The following PARP4 variants were observed in gnomAD, a reference collection of about 807,000 sequenced individuals.
The protein encoded by PARP4 is protein mono-ADP-ribosyltransferase PARP4.
Under a neutral mutation model 187.7 loss-of-function variants are expected in PARP4, and 120 were observed. That is an observed-to-expected ratio of 0.64 (90% CI 0.55 to 0.74). The LOEUF is 0.74. Ranked by LOEUF, PARP4 falls within the 30% of genes least tolerant of loss-of-function variation. The pLI, the probability that PARP4 is intolerant of heterozygous loss-of-function variation, is 0.00. For missense variants in PARP4, 1,836 were observed against 2,070.5 expected (o/e 0.89, Z 2.20); for synonymous variants, 654 against 740.9 (o/e 0.88, Z 1.90).
At chr13:24,444,690 C>T (rs1315150178) in intron 27 of PARP4, among the ~76,000 whole-genome samples, 6 of 152,130 alleles carry the variant, frequency 3.9e-5, no homozygotes, top group African/African-American at 1.2e-4. Context: ...TAAAATAGGC[C>T]ACCCCAAAAG....
intron 17 of PARP4, among the ~76,000 whole-genome samples, chr13:24,466,889 G>A (rs577005168): frequency 2.6e-5 from 4 of 151,640 alleles, no homozygotes; most frequent in Admixed American, 6.6e-5. Flanking sequence ...CAGGAAAAGC[G>A]AGGGAAAGGA....
At chr13:24,478,048 T>G in intron 13 of PARP4, 45 bp downstream of exon 13, 1 of 1,456,886 alleles carries the variant, frequency 6.9e-7, no homozygotes, top group Non-Finnish European at 9.3e-7. Context: ...GGCCTTTCTT[T>G]GAGCATTCAA....
Position 24,469,108 on chromosome 13 carries a change from A to G in PARP4, c.2049T>C (p.Ile683=). The G allele has an allele frequency of 6.2e-7, 1 of 1,606,362 alleles. No individual in the cohort carries two copies. Among genetic ancestry groups the G allele is most frequent in the Non-Finnish European group, 8.5e-7 (1 of 1,173,054 alleles). Residue 683 remains isoleucine, a splice_region_variant and synonymous_variant, in exon 17 of 34, where the codon ATT becomes ATC. Transcript: ENST00000381989. The part of the protein sequence containing the change: ...FINGKHIVGE[I]KEKEEAQQEY... ...CTTGCTGGGCTTCTTCCTTCTCTTT[A>G]ATCTGGAAAAGATGAGTTTTAAATC...
At chr13:24,503,345 G>A (rs1170070542) in intron 2 of PARP4, among the ~76,000 whole-genome samples, 1 of 152,204 alleles carries the variant, frequency 6.6e-6, no homozygotes, top group Non-Finnish European at 1.5e-5. Flanking sequence ...TCTCCTTCAA[G>A]AATAGATATG....
intron 17 of PARP4, among the ~76,000 whole-genome samples, chr13:24,468,289 AAAG>A (rs1277420780): frequency 2.0e-5 from 3 of 152,210 alleles, no homozygotes; most frequent in South Asian, 4.1e-4. Flanking sequence ...TAATCACCTA[AAAG>A]CACAGGAGCT....
chr13:24,448,049 T>C (rs1308426889), intron 25 of PARP4, among the ~76,000 whole-genome samples: 3 of 152,034 alleles, frequency 2.0e-5, no homozygotes, highest in African/African-American at 7.2e-5. Flanking sequence ...TACAGAAAAT[T>C]AGCTGGGTGT....
In PARP4 at chr13:24,492,598, T is replaced by C; in HGVS notation, c.880-4A>G. 1 of 1,610,868 alleles carries C rather than the reference T, an allele frequency of 6.2e-7. No individual in the cohort carries two copies. Among genetic ancestry groups the C allele is most frequent in the Non-Finnish European group, 8.5e-7 (1 of 1,177,392 alleles). On this transcript the variant is annotated splice_polypyrimidine_tract_variant and splice_region_variant and intron_variant, in intron 8 of 33. Coordinates refer to ENST00000381989, the MANE Select transcript of PARP4 (RefSeq NM_006437.4). ...GAATCCCCTCTGCCTTGCTCACCTT[T>C]CAACAGATCATATATGCTTATTACA...
At chr13:24,433,819 A>G (rs542510984) in intron 31 of PARP4, among the ~76,000 whole-genome samples, 2 of 152,422 alleles carry the variant, frequency 1.3e-5, no homozygotes, top group South Asian at 2.1e-4. Context: ...CCGTTTCACT[A>G]AACTACTTGA....
rs1371721154 is a variant in PARP4 at position 24,434,726 on chromosome 13, G to A, written c.4415C>T (p.Thr1472Ile). 2 of 1,614,076 alleles carry A rather than the reference G, an allele frequency of 1.2e-6. No homozygotes were observed. Among genetic ancestry groups the A allele is most frequent in the East Asian group, 2.2e-5 (1 of 44,882 alleles). The change falls in exon 31 of 34, where the codon ACT becomes ATT. Residue 1472 changes from threonine to isoleucine, a missense_variant. Transcript: ENST00000381989. ...FHFQPSAASL[T>I]ANLRLPMASA... ...GGCCATTGGCAGCCTAAGGTTGGCA[G>A]TCAAAGAGGCTGCGGAAGGTTGAAA...
chr13:24,430,885 A>G (rs9581032), intron 32 of PARP4, among the ~76,000 whole-genome samples: 585 of 152,334 alleles, frequency 3.8e-3, no homozygotes, highest in African/African-American at 0.014. Context: ...GCCTTCGTAC[A>G]TGGATGGGGC....
intron 31 of PARP4, among the ~76,000 whole-genome samples, chr13:24,432,580 C>T (rs1314314028): frequency 6.6e-6 from 1 of 152,102 alleles, no homozygotes; most frequent in Admixed American, 6.5e-5. Flanking sequence ...ATAAGATAGA[C>T]CTCTTAGCAA....
Position 24,460,474 on chromosome 13 carries a change from ACGGGTGGGCTCTGCTGCATG to A in PARP4, c.2134-358_2134-339del, listed in dbSNP as rs1566001762. 1.5e-4 allele frequency among the ~76,000 whole-genome samples: 15 copies of A among 97,730 alleles called. No individual in the cohort carries two copies. In the East Asian group the frequency reaches 3.9e-3, roughly 25 times the overall value. The allele number at this position is 97,730 out of a possible 152,430, so 64.1% of individuals were successfully genotyped here. On this transcript the variant is annotated intron_variant, in intron 17 of 33. Coordinates refer to ENST00000381989, the MANE Select transcript of PARP4 (RefSeq NM_006437.4). ...CTGCTGCACGGGTGGGCTCTGCTGC[ACGGGTGGGCTCTGCTGCATG>A]GGTGGGCTCTGCTGCATGGGTGGGC...
chr13:24,445,243 G>A (rs7982799), intron 27 of PARP4, among the ~76,000 whole-genome samples: 52,275 of 151,610 alleles, frequency 0.34, 9,132 homozygotes, highest in Middle Eastern at 0.39. Context: ...CAGAGGGAAA[G>A]TCTGAACTTC....
chr13:24,504,255 T>TA (rs1869476320), intron 1 of PARP4, among the ~76,000 whole-genome samples: 1 of 151,348 alleles, frequency 6.6e-6, no homozygotes, highest in Admixed American at 6.6e-5. Flanking sequence ...CAACTATGTT[T>TA]AAATGGAATA....
At chr13:24,493,109 T>C (rs75064802) in intron 8 of PARP4, among the ~76,000 whole-genome samples, 3,803 of 152,324 alleles carry the variant, frequency 0.025, 89 homozygotes, top group African/African-American at 0.068. Flanking sequence ...AGTTGTACCA[T>C]TGGGGTATCT....
At chr13:24,484,389 T>A (rs1224276356) in intron 12 of PARP4, among the ~76,000 whole-genome samples, 4 of 152,068 alleles carry the variant, frequency 2.6e-5, no homozygotes, top group Non-Finnish European at 5.9e-5. Context: ...CATAGGCTGG[T>A]CTTAAACTCC....
intron 1 of PARP4, among the ~76,000 whole-genome samples, chr13:24,509,502 TC>T (rs1869883754): frequency 7.1e-6 from 1 of 140,996 alleles, no homozygotes. Flanking sequence ...AGACCCTATC[TC>T]AAAAAAAAAA....
At chr13:24,454,910 G>T in intron 22 of PARP4, 107 bp downstream of exon 22, 1 of 820,006 alleles carries the variant, frequency 1.2e-6, no homozygotes, top group Admixed American at 2.5e-5. Flanking sequence ...ATACTAGGCT[G>T]CCCCTCACCA....
chr13:24,489,859 C>T (rs984560800), intron 10 of PARP4, among the ~76,000 whole-genome samples: 1 of 152,128 alleles, frequency 6.6e-6, no homozygotes, highest in African/African-American at 2.4e-5. Context: ...ATTTCCATGG[C>T]GCAAATCCTC....
Sources: gnomAD v4.1 joint callset for allele counts (sites outside exome capture counted in the v4.1 genomes callset) on GRCh38, gnomAD v4.1.1 for gene constraint, MANE v1.5 for transcripts, NCBI Gene and HGNC (gene_info 2026-07-23, HGNC 2026-07-21) for gene names.